The following BCL9 variants were observed in gnomAD, a reference collection of about 807,000 sequenced individuals.
BCL9 encodes BCL9 transcription coactivator.
In BCL9, 25 loss-of-function variants were observed where a neutral mutation model predicts 88.5. That is an observed-to-expected ratio of 0.28 (90% confidence interval 0.21 to 0.39). The LOEUF is 0.39. BCL9 is among the 10% of genes least tolerant of loss of function. The pLI is 1.00. For synonymous variants in BCL9, 711 were observed against 673.3 expected, an observed-to-expected ratio of 1.06 and a Z score of -0.87; for missense variants, 1,817 against 1,877.8, an observed-to-expected ratio of 0.97 and a Z score of 0.60.
At chr1:147,584,239 G>A (rs914633803) in intron 1 of BCL9, among the ~76,000 whole-genome samples, 1 of 152,002 alleles carries the variant, frequency 6.6e-6, no homozygotes, top group Admixed American at 6.5e-5. Context: ...TAGAGACGAG[G>A]TTTTGCCATG....
At position 147,620,414 on chromosome 1, in the gene BCL9, T is replaced by A; in HGVS notation, c.2259T>A (p.Gly753=). The A allele has an allele frequency of 6.2e-7, 1 of 1,613,728 alleles. No homozygotes were observed. The highest frequency in any genetic ancestry group is 8.5e-7 in the Non-Finnish European group (1 of 1,179,934). ...AGGAGATGCTGAAATTACGCCCAGGTGGCTCAGACATGCTGCCTGCTCAGC... is the reference window on the plus strand; with the variant it reads ...AGGAGATGCTGAAATTACGCCCAGGAGGCTCAGACATGCTGCCTGCTCAGC... ...GPEEMLKLRP[G]GSDMLPAQQK... The change falls in exon 8 of 10, where the codon GGT becomes GGA. Residue 753 remains glycine, a synonymous_variant. Transcript: ENST00000234739.
At chr1:147,575,522 T>C (rs1175555683) in intron 1 of BCL9, among the ~76,000 whole-genome samples, 2 of 152,196 alleles carry the variant, frequency 1.3e-5, no homozygotes, top group African/African-American at 2.4e-5. Flanking sequence ...CCCAACTCTG[T>C]GTGATTCTGT....
In BCL9 at chr1:147,613,068, G is replaced by T. The variant is rs1658094933; in HGVS notation, c.239G>T (p.Gly80Val). 6.2e-7 allele frequency: 1 copy of T among 1,613,790 alleles called. No individual in the cohort carries two copies. The highest frequency in any genetic ancestry group is 1.1e-5 in the South Asian group (1 of 91,056). The change falls in exon 5 of 10, where the codon GGT becomes GTT. Residue 80 changes from glycine (G) to valine (V), a missense_variant. Gly to Val is a moderately radical substitution (Grantham distance 109). Transcript: ENST00000234739. ...GHTPKALPGP[G>V]GSMGLKNGAG... Reference sequence around the variant, plus strand: ...ACCCCTAAAGCACTCCCTGGCCCAGGTGGGAGCATGGGGCTGAAGAATGGG... The same window carrying T: ...ACCCCTAAAGCACTCCCTGGCCCAGTTGGGAGCATGGGGCTGAAGAATGGG...
Position 147,612,963 on chromosome 1 carries a change from A to G in BCL9, c.134A>G (p.Lys45Arg), listed in dbSNP as rs782013659. The G allele has an allele frequency of 1.1e-5, 17 of 1,613,302 alleles. No homozygotes were observed. Among genetic ancestry groups the G allele is most frequent in the Middle Eastern group, 3.3e-4 (2 of 6,056 alleles). The change falls in exon 5 of 10, where the codon AAA (lysine) becomes AGA (arginine). Residue 45 changes from lysine to arginine, a missense_variant. Transcript: ENST00000234739. ...SPSGNPQLDSKFSNQGKQGGS... is the reference protein window; with the variant it reads ...SPSGNPQLDSRFSNQGKQGGS... The stretch of plus-strand genomic sequence containing the variant: ...TCTGGAAACCCCCAGCTGGATTCCA[A>G]ATTCTCCAATCAGGGTAAACAGGGG...
intron 1 of BCL9, among the ~76,000 whole-genome samples, chr1:147,602,522 T>G (rs1657450755): frequency 6.6e-6 from 1 of 152,130 alleles, no homozygotes; most frequent in African/African-American, 2.4e-5. Flanking sequence ...GAAGAGAAAT[T>G]TTAATGTAAA....
rs1557864339 is a variant in BCL9 at position 147,623,119 on chromosome 1, C to G, written c.3163+588C>G. On this transcript the variant is annotated intron_variant, in intron 9 of 9. Transcript: ENST00000234739. ...TGGTGAAAGCAATCAGCAAAGAGACCATGACTTTTCAGCCATGAGTTTCTG... is the reference window on the plus strand; with the variant it reads ...TGGTGAAAGCAATCAGCAAAGAGACGATGACTTTTCAGCCATGAGTTTCTG... 2.0e-5 allele frequency among the ~76,000 whole-genome samples: 3 copies of G among 152,030 alleles called. No individual in the cohort carries two copies. The South Asian group carries it at 6.2e-4, about 32-fold the overall frequency.
chr1:147,617,228 G>A (rs1553203987), intron 7 of BCL9, among the ~76,000 whole-genome samples: 1 of 152,122 alleles, frequency 6.6e-6, no homozygotes, highest in Non-Finnish European at 1.5e-5. Context: ...TGACTTAATG[G>A]CAGTTCTTAA....
Position 147,620,152 on chromosome 1 carries a change from A to G in BCL9, c.1997A>G (p.Gln666Arg), listed in dbSNP as rs782141622. The G allele has an allele frequency of 1.9e-6, 3 of 1,614,190 alleles. No homozygotes were observed. The South Asian group carries it at 3.3e-5, about 18-fold the overall frequency. ...ATGAACAGGATGATTCCAGGCTCCCAGCGCCACATGGAGCCTGGGAATAAC... is the reference window on the plus strand; with the variant it reads ...ATGAACAGGATGATTCCAGGCTCCCGGCGCCACATGGAGCCTGGGAATAAC... The part of the protein sequence containing the change: ...MEMNRMIPGS[Q>R]RHMEPGNNPI... Residue 666 changes from glutamine to arginine, a missense_variant, in exon 8 of 10, where the codon CAG becomes CGG. Physicochemically the swap from Gln to Arg is conservative, Grantham distance 43. Transcript: ENST00000234739.
chr1:147,601,480 T>C (rs1288266892), intron 1 of BCL9, among the ~76,000 whole-genome samples: 3 of 152,198 alleles, frequency 2.0e-5, no homozygotes, highest in Non-Finnish European at 4.4e-5. Context: ...TTTGGATTTG[T>C]GCACTGAGCA....
intron 1 of BCL9, among the ~76,000 whole-genome samples, chr1:147,572,089 A>AAAG (rs1655912742): frequency 6.6e-6 from 1 of 151,396 alleles, no homozygotes; most frequent in African/African-American, 2.4e-5. Context: ...AATACAAAAA[A>AAAG]AAATTAGCTG....
At chr1:147,616,594 C>T (rs587731848) in intron 7 of BCL9, among the ~76,000 whole-genome samples, 4 of 152,094 alleles carry the variant, frequency 2.6e-5, no homozygotes, top group Non-Finnish European at 5.9e-5. Flanking sequence ...AGTGAAACCC[C>T]GTCTTTACTA....
At chr1:147,558,666 G>A (rs1045496011) in intron 1 of BCL9, among the ~76,000 whole-genome samples, 6 of 152,110 alleles carry the variant, frequency 3.9e-5, no homozygotes, top group Non-Finnish European at 8.8e-5. Flanking sequence ...TTGAAAACAG[G>A]TGTGAGCGTC....
intron 1 of BCL9, among the ~76,000 whole-genome samples, chr1:147,574,680 T>C (rs142842754): frequency 3.9e-5 from 6 of 152,308 alleles, no homozygotes; most frequent in East Asian, 1.9e-4. Context: ...AGATCTCTAA[T>C]TGGTGTTACA....
intron 1 of BCL9, among the ~76,000 whole-genome samples, chr1:147,589,192 C>G (rs1468780058): frequency 2.0e-5 from 3 of 152,120 alleles, no homozygotes; most frequent in African/African-American, 7.2e-5. Context: ...ATTCATTTTC[C>G]TGGCTTCAGC....
In BCL9 at chr1:147,622,504, A is replaced by G. The variant is rs587724095; in HGVS notation, c.3136A>G (p.Asn1046Asp). ...DDDSPPARSP[N>D]LPSMNNMPGM... ...CGACTCCCCTCCAGCTCGTTCTCCC[A>G]ACTTGCCATCAATGAATAATATGCC... is the stretch of plus-strand genomic sequence containing the variant. The change falls in exon 9 of 10, where the codon AAC (asparagine) becomes GAC (aspartate). Residue 1046 changes from asparagine to aspartate, a missense_variant. Transcript: ENST00000234739. 111 of 1,614,162 alleles carry G rather than the reference A, an allele frequency of 6.9e-5. No individual in the cohort carries two copies. The South Asian group carries it at 1.1e-3, about 16-fold the overall frequency.
chr1:147,602,090 G>A (rs1657422052), intron 1 of BCL9, among the ~76,000 whole-genome samples: 1 of 151,292 alleles, frequency 6.6e-6, no homozygotes. Flanking sequence ...TAGTAGAGAT[G>A]GGGTTTCACC....
chr1:147,614,348 T>C, intron 5 of BCL9, 79 bp from the exon 6 acceptor site: 1 of 1,409,904 alleles, frequency 7.1e-7, no homozygotes, highest in Non-Finnish European at 9.8e-7. Flanking sequence ...TCAAGGTGGG[T>C]TTGTGTTGTG....
chr1:147,617,789 A>T (rs1553204063), intron 7 of BCL9, among the ~76,000 whole-genome samples: 1 of 152,126 alleles, frequency 6.6e-6, no homozygotes, highest in African/African-American at 2.4e-5. Flanking sequence ...GAGCAAATGA[A>T]CACGGAAAAA....
chr1:147,559,880 T>C (rs1239731805), intron 1 of BCL9, among the ~76,000 whole-genome samples: 1 of 152,156 alleles, frequency 6.6e-6, no homozygotes, highest in Non-Finnish European at 1.5e-5. Flanking sequence ...AATGGAACAG[T>C]TGTTGGGTCC....
Sources: allele counts gnomAD v4.1 joint callset (sites outside exome capture counted in the v4.1 genomes callset), GRCh38; gene constraint gnomAD v4.1.1; transcripts MANE v1.5; gene names NCBI Gene and HGNC (gene_info 2026-07-23, HGNC 2026-07-21).